Variants in GRK1 observed in about 807,000 individuals in gnomAD.
GRK1 encodes rhodopsin kinase GRK1.
GRK1 carries 28 observed loss-of-function variants against 41.7 expected under a neutral mutation model. That is an observed-to-expected ratio of 0.67 (90% CI 0.50 to 0.92). GRK1 has a LOEUF of 0.92. Among genes scored for constraint, GRK1 ranks in the 40% least tolerant of loss-of-function variants. The pLI is 0.00. For missense variants in GRK1, 703 were observed against 671.2 expected (o/e 1.05, Z -0.52); for synonymous variants, 327 against 286.7 (o/e 1.14, Z -1.42).
At chr13:113,723,440 G>A (rs1013390596) in intron 4 of GRK1, among the ~76,000 whole-genome samples, 1 of 151,970 alleles carries the variant, frequency 6.6e-6, no homozygotes, top group Non-Finnish European at 1.5e-5. Context: ...TCGCCGCACA[G>A]TTTGGTTTTA....
upstream of GRK1, among the ~76,000 whole-genome samples, chr13:113,663,838 G>A (rs368009571): frequency 1.5e-3 from 236 of 152,326 alleles, no homozygotes; most frequent in South Asian, 3.7e-3. Flanking sequence ...GCTCACCATC[G>A]CTGGTGGGAA....
chr13:113,668,906 T>C (rs2049838205), intron 1 of GRK1, among the ~76,000 whole-genome samples: 2 of 152,232 alleles, frequency 1.3e-5, no homozygotes, highest in Admixed American at 1.3e-4. Flanking sequence ...GAAGGTGAAA[T>C]ACCAGGTGCT....
chr13:113,724,583 A>G (rs1429151837), intron 4 of GRK1, among the ~76,000 whole-genome samples: 1 of 152,080 alleles, frequency 6.6e-6, no homozygotes, highest in East Asian at 1.9e-4. Flanking sequence ...TGTTTCCCCA[A>G]AGTTCTGACG....
intron 4 of GRK1, among the ~76,000 whole-genome samples, chr13:113,728,213 CGAT>C (rs1338327610): frequency 2.0e-5 from 2 of 102,348 alleles, no homozygotes; most frequent in African/African-American, 8.8e-5. Flanking sequence ...GTACCCATGG[CGAT>C]GAGGAGTACC....
chr13:113,732,590 T>A (rs905504676), intron 5 of GRK1, among the ~76,000 whole-genome samples: 3 of 152,238 alleles, frequency 2.0e-5, no homozygotes, highest in Non-Finnish European at 4.4e-5. Flanking sequence ...GGGCCCGCGC[T>A]GGCCTTCAGT....
the GRK1 span, among the ~76,000 whole-genome samples, chr13:113,660,258 TA>T: frequency 1.3e-5 from 2 of 151,950 alleles, no homozygotes; most frequent in Non-Finnish European, 2.9e-5. Context: ...AGACACAACG[TA>T]GTAGAAAGTT....
chr13:113,656,275 T>TA, the GRK1 span, among the ~76,000 whole-genome samples: 1 of 152,212 alleles, frequency 6.6e-6, no homozygotes. Context: ...CCCGGGGACC[T>TA]ACGCTCGTGA....
chr13:113,672,415 G>GGT (rs1293235553), intron 3 of GRK1, among the ~76,000 whole-genome samples: 1 of 108,854 alleles, frequency 9.2e-6, no homozygotes, highest in African/African-American at 3.6e-5. Flanking sequence ...TGTGGAATGT[G>GGT]GTGTGTTCGT....
chr13:113,733,510 CGTGT>C (rs1014078359), intron 6 of GRK1, among the ~76,000 whole-genome samples: 2 of 124,232 alleles, frequency 1.6e-5, no homozygotes, highest in African/African-American at 8.5e-5. Context: ...TGTGTGTGCA[CGTGT>C]GTGTGCATGT....
intron 4 of GRK1, among the ~76,000 whole-genome samples, chr13:113,728,019 G>A (rs1261181042): frequency 3.5e-5 from 3 of 84,952 alleles, no homozygotes; most frequent in African/African-American, 1.2e-4. Context: ...GCGATGAGGA[G>A]TACCCATGGC....
In GRK1 at chr13:113,728,340, TGATGAGGAGTACCCATGGC is replaced by T. The variant is rs1424680928; in HGVS notation, c.1070-2857_1070-2839del. On this transcript the variant is annotated intron_variant, in intron 4 of 6. Coordinates refer to ENST00000335678, the MANE Select transcript of GRK1 (RefSeq NM_002929.3). ...TACCCATGGCAAGGAGTACCCATGG[TGATGAGGAGTACCCATGGC>T]GATGAGGAGTACCCATGGCGAGGAG... 2.7e-3 allele frequency among the ~76,000 whole-genome samples: 272 copies of T among 102,178 alleles called. 3 individuals are homozygous for T. The highest frequency in any genetic ancestry group is 3.1e-3 in the Non-Finnish European group (179 of 57,766). The allele number at this position is 102,178 out of a possible 152,430, so 67.0% of individuals were successfully genotyped here. A position where few individuals can be genotyped will look rare whatever the true frequency, so the allele number is the denominator to read the frequency against.
chr13:113,734,063 TGTGTGTGC>T (rs1353124903), intron 6 of GRK1, among the ~76,000 whole-genome samples: 1 of 151,470 alleles, frequency 6.6e-6, no homozygotes, highest in Non-Finnish European at 1.5e-5. Flanking sequence ...TGTGTGTGCA[TGTGTGTGC>T]GTGTATGTGT....
chr13:113,654,658 C>T, the GRK1 span, among the ~76,000 whole-genome samples: 2 of 152,378 alleles, frequency 1.3e-5, no homozygotes, highest in African/African-American at 4.8e-5. Flanking sequence ...CCCTCGGGGG[C>T]ACCTGCTGGG....
rs2050002828 is a variant in GRK1 at position 113,736,143 on chromosome 13, C to T, written c.*780C>T. 1 of 152,298 alleles carries T rather than the reference C, an allele frequency of 6.6e-6. No individual in the cohort carries two copies. The highest frequency in any genetic ancestry group is 2.4e-5 in the African/African-American group (1 of 41,458). 9.4% of individuals were successfully genotyped at this position (152,298 alleles called of 1,614,324 possible). A position where few individuals can be genotyped will look rare whatever the true frequency, so the allele number is the denominator to read the frequency against. ...GACGGCAGCTGGTGCAAAGTTCCCACCCCTGAGCTGGGGAGCTGAAAATGT... is the reference window on the plus strand; with the variant it reads ...GACGGCAGCTGGTGCAAAGTTCCCATCCCTGAGCTGGGGAGCTGAAAATGT... On this transcript the variant is annotated 3_prime_UTR_variant, in exon 7 of 7. Coordinates refer to ENST00000335678, the MANE Select transcript of GRK1 (RefSeq NM_002929.3).
rs1276954926 is a variant in GRK1 at position 113,735,998 on chromosome 13, G to C, written c.*635G>C. 1 of 152,398 alleles carries C rather than the reference G, an allele frequency of 6.6e-6. No homozygotes were observed. The highest frequency in any genetic ancestry group is 1.5e-5 in the Non-Finnish European group (1 of 68,194). The allele number at this position is 152,398 out of a possible 1,614,324, so 9.4% of individuals were successfully genotyped here. ...GCACCATGGTCCCCTGCACTCCGGG[G>C]TGCCATGGTCCACATCTGCCAGGCG... On this transcript the variant is annotated 3_prime_UTR_variant, in exon 7 of 7. Coordinates refer to ENST00000335678, the MANE Select transcript of GRK1 (RefSeq NM_002929.3).
chr13:113,733,967 TGCGTGTGTGC>T (rs1177413682), intron 6 of GRK1, among the ~76,000 whole-genome samples: 49 of 138,706 alleles, frequency 3.5e-4, no homozygotes, highest in South Asian at 6.4e-4. Flanking sequence ...TACGTGTGTG[TGCGTGTGTGC>T]GCATGTGTGT....
At chr13:113,734,763 T>C (rs2049990531) in intron 6 of GRK1, 2 of 269,274 alleles carry the variant, frequency 7.4e-6, no homozygotes, top group Non-Finnish European at 1.4e-5. Flanking sequence ...GACGAGACCC[T>C]AGGGGAGGCT....
At chr13:113,651,374 G>C in the GRK1 span, among the ~76,000 whole-genome samples, 2 of 152,244 alleles carry the variant, frequency 1.3e-5, no homozygotes. Flanking sequence ...AGAACTGGTG[G>C]AAGGTGCACT....
intron 5 of GRK1, 102 bp from the exon 6 acceptor site, chr13:113,732,782 C>T: frequency 7.7e-7 from 1 of 1,294,206 alleles, no homozygotes; most frequent in Non-Finnish European, 1.1e-6. Context: ...GGTCCCCCAC[C>T]CGCGTGGGTG....
Sources: gnomAD v4.1 joint callset for allele counts (sites outside exome capture counted in the v4.1 genomes callset) on GRCh38, gnomAD v4.1.1 for gene constraint, MANE v1.5 for transcripts, NCBI Gene and HGNC (gene_info 2026-07-23, HGNC 2026-07-21) for gene names.